Variants in USP26 observed in about 807,000 individuals in gnomAD.
USP26 encodes ubiquitin carboxyl-terminal hydrolase 26.
For missense variants in USP26, 649 were observed against 642.3 expected (o/e 1.01, Z -0.11); for synonymous variants, 236 against 240.6 (o/e 0.98, Z 0.18).
chrX:133,079,219 G>A (rs908801836), intron 5 of USP26, among the ~76,000 whole-genome samples: 1 of 111,666 alleles, frequency 9.0e-6, no homozygotes, highest in African/African-American at 3.3e-5. Flanking sequence ...TGTCAAGGTA[G>A]TGCTCCTCCT....
chrX:133,041,695 G>A (rs1347836648), intron 5 of USP26, among the ~76,000 whole-genome samples: 2 of 112,655 alleles, frequency 1.8e-5, no homozygotes, highest in African/African-American at 6.4e-5. Flanking sequence ...TAAGGAGGCA[G>A]TCTGTCCCTT....
intron 5 of USP26, among the ~76,000 whole-genome samples, chrX:133,035,181 G>A (rs1003658959): frequency 2.7e-5 from 3 of 111,993 alleles, no homozygotes. Context: ...ATGGCAAAAG[G>A]AGGCAAAAGT....
chrX:133,086,913 C>CAA (rs34814339), intron 4 of USP26, among the ~76,000 whole-genome samples: 1 of 50,536 alleles, frequency 2.0e-5, no homozygotes. Flanking sequence ...GACTCTGCCT[C>CAA]AAAAAAAAAA....
intron 5 of USP26, among the ~76,000 whole-genome samples, chrX:133,080,435 G>C (rs778980449): frequency 2.4e-4 from 27 of 111,572 alleles, no homozygotes; most frequent in Middle Eastern, 4.6e-3. Flanking sequence ...CACCACTGCA[G>C]ATTAAGGCAC....
intron 5 of USP26, among the ~76,000 whole-genome samples, chrX:133,079,003 C>G (rs1203447566): frequency 8.9e-6 from 1 of 112,025 alleles, no homozygotes; most frequent in Non-Finnish European, 1.9e-5. Flanking sequence ...GAACAGCAAA[C>G]AGACATTCAG....
At chrX:133,086,913 C>CAAA (rs34814339) in intron 4 of USP26, among the ~76,000 whole-genome samples, 2 of 50,538 alleles carry the variant, frequency 4.0e-5, no homozygotes, top group Non-Finnish European at 7.1e-5. Context: ...GACTCTGCCT[C>CAAA]AAAAAAAAAA....
rs751326607 is a variant in USP26 at position 133,088,511 on chromosome X, G to A, written c.-142+1602C>T. 1.3e-4 allele frequency among the ~76,000 whole-genome samples: 15 copies of A among 111,419 alleles called. No homozygotes were observed. In the South Asian group the frequency reaches 5.0e-3, roughly 37 times the overall value. On this transcript the variant is annotated intron_variant, in intron 4 of 5. Transcript: ENST00000511190. Reference sequence around the variant, plus strand: ...TGCTTACCTCTCACTGTGTGGCCCGGTTCCTAACAGGCCACCGCCCAGTAC... The same window carrying A: ...TGCTTACCTCTCACTGTGTGGCCCGATTCCTAACAGGCCACCGCCCAGTAC...
At chrX:133,065,160 G>A (rs187145638) in intron 5 of USP26, among the ~76,000 whole-genome samples, 4 of 110,909 alleles carry the variant, frequency 3.6e-5, no homozygotes, top group East Asian at 2.8e-4. Flanking sequence ...ACATACACCC[G>A]CCCCAAGACT....
chrX:133,025,934 G>A lies in USP26; in HGVS notation c.2287C>T (p.Pro763Ser). 1 of 1,211,033 alleles carries A rather than the reference G, an allele frequency of 8.3e-7. No individual in the cohort carries two copies. The highest frequency in any genetic ancestry group is 1.1e-6 in the Non-Finnish European group (1 of 895,365). ...QQALPQSFPK[P>S]GTQGHTKNLL... ...TTCTTTGTGTGCCCCTGGGTGCCTG[G>A]CTTTGGAAAGCTTTGAGGCAGTGCC... Residue 763 changes from proline to serine, a missense_variant, in exon 6 of 6, where the codon CCA becomes TCA. Transcript: ENST00000511190.
intron 5 of USP26, among the ~76,000 whole-genome samples, chrX:133,053,817 T>C (rs2067467393): frequency 9.0e-6 from 1 of 111,636 alleles, no homozygotes; most frequent in Non-Finnish European, 1.9e-5. Flanking sequence ...GTTTGTCAGA[T>C]AGGTAAATTC....
At chrX:133,056,799 C>T (rs891579925) in intron 5 of USP26, among the ~76,000 whole-genome samples, 7 of 111,733 alleles carry the variant, frequency 6.3e-5, no homozygotes, top group Non-Finnish European at 1.1e-4. Context: ...TGAAAAATTT[C>T]GCTTAAATTC....
rs2067358388 is a variant in USP26 at position 133,027,658 on chromosome X, G to A, written c.563C>T (p.Ser188Leu). 4.1e-6 allele frequency: 5 copies of A among 1,206,778 alleles called. No homozygotes were observed. Among genetic ancestry groups the A allele is most frequent in the Non-Finnish European group, 5.6e-6 (5 of 891,724 alleles). Residue 188 changes from serine (S) to leucine (L), a missense_variant, in exon 6 of 6, where the codon TCA (serine) becomes TTA (leucine). Coordinates refer to ENST00000511190, the MANE Select transcript of USP26 (RefSeq NM_031907.3). ...KKRKRMLSSS[S>L]EMNEEFLKEN... ...TTTCAAGAATTCCTCATTCATCTCTGAGCTAGATGAGAGCATTCTTTTCCT... is the reference window on the plus strand; with the variant it reads ...TTTCAAGAATTCCTCATTCATCTCTAAGCTAGATGAGAGCATTCTTTTCCT...
At position 133,025,188 on chromosome X, in the gene USP26, T is replaced by C; in HGVS notation, c.*291A>G. ...GAGTTATTATTGAAGGACTGCACTC[T>C]AGCCAGGATGACAGAGCAAGACCCT... On this transcript the variant is annotated 3_prime_UTR_variant, in exon 6 of 6. Transcript: ENST00000511190. 1 of 328,729 alleles carries C rather than the reference T, an allele frequency of 3.0e-6. No individual in the cohort carries two copies. The highest frequency in any genetic ancestry group is 4.6e-5 in the South Asian group (1 of 21,959). 27.1% of individuals were successfully genotyped at this position (328,729 alleles called of 1,213,427 possible). A position where few individuals can be genotyped will look rare whatever the true frequency, so the allele number is the denominator to read the frequency against.
intron 5 of USP26, among the ~76,000 whole-genome samples, chrX:133,058,835 G>A (rs776010516): frequency 1.8e-5 from 2 of 110,919 alleles, no homozygotes; most frequent in African/African-American, 3.3e-5. Flanking sequence ...TTGAGATAGA[G>A]TCTCACTCTG....
intron 5 of USP26, among the ~76,000 whole-genome samples, chrX:133,073,050 A>G (rs913839026): frequency 3.6e-5 from 4 of 111,949 alleles, no homozygotes; most frequent in Non-Finnish European, 7.5e-5. Context: ...AATAATGTCA[A>G]AGAAATTGCA....
At chrX:133,065,829 C>T (rs1340682687) in intron 5 of USP26, among the ~76,000 whole-genome samples, 2 of 111,999 alleles carry the variant, frequency 1.8e-5, no homozygotes, top group Admixed American at 9.5e-5. Flanking sequence ...CAAGGATGCC[C>T]TCTCTCACCA....
chrX:133,028,069 C>A lies in USP26; in HGVS notation c.152G>T (p.Arg51Leu), dbSNP rs759613833. The A allele has an allele frequency of 3.5e-5, 42 of 1,208,625 alleles. No individual in the cohort carries two copies. In the Admixed American group the frequency reaches 9.2e-4, roughly 27 times the overall value. ...YFKSGKYSTF[R>L]LSDNIQNVVL... is the part of the protein sequence containing the mutation. ...TACATTTTGAATATTATCACTTAGC[C>A]GAAAAGTGCTATATTTTCCACTTTT... Residue 51 changes from arginine (R) to leucine (L), a missense_variant, in exon 6 of 6, where the codon CGG becomes CTG. Arg to Leu is a moderately radical substitution (Grantham distance 102). Coordinates refer to ENST00000511190, the MANE Select transcript of USP26 (RefSeq NM_031907.3).
chrX:133,034,873 T>A (rs1602969425), intron 5 of USP26, among the ~76,000 whole-genome samples: 1 of 109,756 alleles, frequency 9.1e-6, no homozygotes, highest in African/African-American at 3.3e-5. Context: ...AAAAAAAAAA[T>A]ATTTAAAGTA....
intron 5 of USP26, among the ~76,000 whole-genome samples, chrX:133,034,781 T>A (rs2067390393): frequency 1.8e-5 from 2 of 110,568 alleles, no homozygotes; most frequent in Non-Finnish European, 3.8e-5. Flanking sequence ...GGTGGGAGGA[T>A]CTCTTGAGCT....
Sources: allele counts gnomAD v4.1 joint callset (sites outside exome capture counted in the v4.1 genomes callset), GRCh38; gene constraint gnomAD v4.1.1; transcripts MANE v1.5; gene names NCBI Gene and HGNC (gene_info 2026-07-23, HGNC 2026-07-21).